PCDHA9: variants seen among roughly 807,000 people sequenced by gnomAD.
The protein encoded by PCDHA9 is protocadherin alpha 9.
Under a neutral mutation model 62.0 loss-of-function variants are expected in PCDHA9, and 62 were observed. The observed-to-expected ratio is 1.00, with a 90% CI of 0.81 to 1.23. The LOEUF (loss-of-function observed/expected upper bound fraction) is 1.23, where lower values mean the gene tolerates loss of function less well. Among genes scored for constraint, PCDHA9 ranks in the 50% most tolerant of loss-of-function variants. The probability of loss-of-function intolerance (pLI) is 0.00; values close to 1 mark genes in which losing one functional copy is unlikely to be tolerated. For missense variants in PCDHA9, 1,205 were observed against 1,249.8 expected, an observed-to-expected ratio of 0.96 and a Z score of 0.54; for synonymous variants, 557 against 567.6, an observed-to-expected ratio of 0.98 and a Z score of 0.27.
At chr5:140,876,048 T>G in intron 1 of PCDHA9, 1 of 1,613,930 alleles carries the variant, frequency 6.2e-7, no homozygotes, top group Non-Finnish European at 8.5e-7. Context: ...GTATATTGCC[T>G]GAATTAGTTC....
chr5:140,952,914 T>C (rs1020868857), intron 1 of PCDHA9, among the ~76,000 whole-genome samples: 1 of 151,982 alleles, frequency 6.6e-6, no homozygotes, highest in South Asian at 2.1e-4. Context: ...TCATCTTACA[T>C]GGCATGAGCA....
At position 140,868,867 on chromosome 5, in the gene PCDHA9, G is replaced by A. The variant is rs532271305; in HGVS notation, c.2394+17978G>A. ...GAAATTCTGTGGTGGTAAATGCAGT[G>A]CACAGTACTCACAGTTTTAGGCGCA... On this transcript the variant is annotated intron_variant, in intron 1 of 3. Coordinates refer to ENST00000532602, the MANE Select transcript of PCDHA9 (RefSeq NM_031857.2). The A allele has an allele frequency of 2.8e-4, 173 of 611,220 alleles. 1 individual carries two copies. In the South Asian group the frequency reaches 3.9e-3, roughly 14 times the overall value. 37.9% of individuals were successfully genotyped at this position (611,220 alleles called of 1,614,324 possible).
At chr5:140,862,614 C>A (rs939104961) in intron 1 of PCDHA9, 11 of 523,250 alleles carry the variant, frequency 2.1e-5, no homozygotes, top group Non-Finnish European at 3.9e-5. Flanking sequence ...TGAAAGGTAA[C>A]AACCCGCGGG....
chr5:140,978,644 G>A (rs782602318), intron 1 of PCDHA9, among the ~76,000 whole-genome samples: 18 of 152,220 alleles, frequency 1.2e-4, no homozygotes, highest in Non-Finnish European at 1.9e-4. Context: ...AAAGCAGACT[G>A]TTCTTCCCGT....
chr5:140,941,255 C>CTTTCTTTTTCTT (rs782490896), intron 1 of PCDHA9, among the ~76,000 whole-genome samples: 1 of 44,508 alleles, frequency 2.2e-5, no homozygotes, highest in Non-Finnish European at 5.1e-5. Context: ...TTCTTTCTTT[C>CTTTCTTTTTCTT]TCTTTCTTTC....
At chr5:140,881,507 C>A in intron 1 of PCDHA9, 1 of 231,112 alleles carries the variant, frequency 4.3e-6, no homozygotes, top group Non-Finnish European at 7.1e-6. Context: ...CACACACTCA[C>A]ATACAAAATC....
chr5:140,951,716 C>T (rs2094623458), intron 1 of PCDHA9, among the ~76,000 whole-genome samples: 1 of 152,102 alleles, frequency 6.6e-6, no homozygotes, highest in South Asian at 2.1e-4. Flanking sequence ...GGACACAGAT[C>T]CAAACCATGT....
At chr5:140,897,458 G>A (rs191522392) in intron 1 of PCDHA9, among the ~76,000 whole-genome samples, 7 of 151,428 alleles carry the variant, frequency 4.6e-5, no homozygotes, top group African/African-American at 2.4e-5. Context: ...TTGTCCTTGC[G>A]ATAGTTTACT....
intron 1 of PCDHA9, among the ~76,000 whole-genome samples, chr5:140,972,656 C>T (rs1428322208): frequency 6.9e-6 from 1 of 144,688 alleles, no homozygotes; most frequent in Non-Finnish European, 1.5e-5. Context: ...TAAAAAGAAA[C>T]CAAATTTTTT....
At chr5:140,863,166 G>T (rs782088342) in intron 1 of PCDHA9, 4 of 672,474 alleles carry the variant, frequency 5.9e-6, no homozygotes, top group African/African-American at 5.4e-5. Flanking sequence ...GCGAGCTGGC[G>T]CTGACTGCCA....
chr5:140,871,103 C>T lies in PCDHA9; in HGVS notation c.2394+20214C>T, dbSNP rs202137231. On this transcript the variant is annotated intron_variant, in intron 1 of 3. Coordinates refer to ENST00000532602, the MANE Select transcript of PCDHA9 (RefSeq NM_031857.2). Reference sequence around the variant, plus strand: ...ACGGCCACGGCCACCGTGCTGGTGTCGTTGGTGGAGAGCGGACAGGCGCCA... The same window carrying T: ...ACGGCCACGGCCACCGTGCTGGTGTTGTTGGTGGAGAGCGGACAGGCGCCA... 4 of 1,613,290 alleles carry T rather than the reference C, an allele frequency of 2.5e-6. No individual in the cohort carries two copies. The Admixed American group carries it at 5.0e-5, about 20-fold the overall frequency.
rs149795080 is a variant in PCDHA9 at position 140,995,000 on chromosome 5, T to C, written c.2542+12437T>C. Among the ~76,000 whole-genome samples the C allele has an allele frequency of 1.7e-3, 261 of 152,326 alleles. 1 individual carries two copies. The highest frequency in any genetic ancestry group is 6.1e-3 in the African/African-American group (253 of 41,578). ...GAGACCCACTAGAAGGTTAGTTGGTTTGTTTATATTTAGGAAAGAAGATTC... is the reference window on the plus strand; with the variant it reads ...GAGACCCACTAGAAGGTTAGTTGGTCTGTTTATATTTAGGAAAGAAGATTC... On this transcript the variant is annotated intron_variant, in intron 3 of 3. Transcript: ENST00000532602.
chr5:140,874,803 A>G (rs536331240), intron 1 of PCDHA9, among the ~76,000 whole-genome samples: 1 of 152,378 alleles, frequency 6.6e-6, no homozygotes, highest in East Asian at 1.9e-4. Flanking sequence ...AGATTTATGA[A>G]TAAGACAATT....
At position 140,849,698 on chromosome 5, in the gene PCDHA9, C is replaced by A. The variant is rs2150445577; in HGVS notation, c.1203C>A (p.Tyr401Ter). 5 of 1,598,548 alleles carry A rather than the reference C, an allele frequency of 3.1e-6. No individual in the cohort carries two copies. The East Asian group carries it at 1.1e-4, about 36-fold the overall frequency. ...TCCCCTTCAAGCTGGTGTCCACCTA[C>A]AAGAATTACTACTCGTTGGTGCTGG... ...PHVPFKLVST[Y>*]KNYYSLVLDR... is the part of the protein sequence containing the mutation. The change falls in exon 1 of 4, where the codon TAC becomes TAA. Residue 401 changes from tyrosine to a stop codon, truncating the protein, a stop_gained. Coordinates refer to ENST00000532602, the MANE Select transcript of PCDHA9 (RefSeq NM_031857.2). LOFTEE classifies it high-confidence loss of function.
chr5:140,944,242 C>T (rs969404044), intron 1 of PCDHA9, among the ~76,000 whole-genome samples: 1 of 152,172 alleles, frequency 6.6e-6, no homozygotes, highest in African/African-American at 2.4e-5. Flanking sequence ...GGCTGGAGTG[C>T]AGTGATGTGA....
intron 1 of PCDHA9, chr5:140,856,405 C>T: frequency 6.3e-7 from 1 of 1,598,432 alleles, no homozygotes; most frequent in Non-Finnish European, 8.6e-7. Flanking sequence ...TCCATGTGGA[C>T]GTGGAAGTGA....
chr5:140,967,740 A>G, intron 1 of PCDHA9: 6 of 1,614,170 alleles, frequency 3.7e-6, no homozygotes, highest in Non-Finnish European at 5.1e-6. Flanking sequence ...GGGCTGGATT[A>G]TGAGGAAGCC....
chr5:140,942,223 G>A (rs1334170178), intron 1 of PCDHA9, among the ~76,000 whole-genome samples: 4 of 152,064 alleles, frequency 2.6e-5, no homozygotes, highest in African/African-American at 9.7e-5. Flanking sequence ...TTTAAAATGT[G>A]TAGGCAAATA....
intron 1 of PCDHA9, among the ~76,000 whole-genome samples, chr5:140,940,458 C>T (rs1041159084): frequency 4.0e-5 from 6 of 151,806 alleles, no homozygotes; most frequent in African/African-American, 1.5e-4. Context: ...TTATAGGTTT[C>T]TGTTCCCTGC....
Sources: gnomAD v4.1 joint callset for allele counts (sites outside exome capture counted in the v4.1 genomes callset) on GRCh38, gnomAD v4.1.1 for gene constraint, MANE v1.5 for transcripts, NCBI Gene and HGNC (gene_info 2026-07-23, HGNC 2026-07-21) for gene names.